Variants in TBC1D32 observed in about 807,000 individuals in gnomAD.
The protein encoded by TBC1D32 is protein broad-minded.
TBC1D32 carries 151 observed loss-of-function variants against 170.3 expected under a neutral mutation model. That is an observed-to-expected ratio of 0.89 (90% CI 0.78 to 1.01). TBC1D32 has a LOEUF of 1.01. Among genes scored for constraint, TBC1D32 ranks in the 50% least tolerant of loss-of-function variants. The probability of loss-of-function intolerance (pLI) is 0.00; values close to 1 mark genes in which losing one functional copy is unlikely to be tolerated. For synonymous variants in TBC1D32, 498 were observed against 488.0 expected (o/e 1.02, Z -0.27); for missense variants, 1,464 against 1,457.1 (o/e 1.00, Z -0.08).
At chr6:121,110,445 A>G (rs1779094034) in intron 29 of TBC1D32, among the ~76,000 whole-genome samples, 1 of 151,978 alleles carries the variant, frequency 6.6e-6, no homozygotes, top group African/African-American at 2.4e-5. Flanking sequence ...GCTATAAAAA[A>G]GGTAAAAAAA....
intron 2 of TBC1D32, among the ~76,000 whole-genome samples, chr6:121,318,913 G>A (rs1809299798): frequency 6.6e-6 from 1 of 151,060 alleles, no homozygotes; most frequent in Non-Finnish European, 1.5e-5. Flanking sequence ...TAAATCAAAA[G>A]AAGAAAAGGT....
chr6:121,332,271 G>A (rs73528530), intron 1 of TBC1D32, among the ~76,000 whole-genome samples: 5,548 of 152,084 alleles, frequency 0.036, 281 homozygotes, highest in African/African-American at 0.11. Context: ...CTAGTATTCA[G>A]TACAATAAGG....
chr6:121,202,748 G>C lies in TBC1D32; in HGVS notation c.2570+2327C>G, dbSNP rs1009179108. Among the ~76,000 whole-genome samples the C allele has an allele frequency of 6.6e-5, 10 of 151,120 alleles. 1 individual carries two copies. The highest frequency in any genetic ancestry group is 2.5e-4 in the African/African-American group (10 of 40,554). On this transcript the variant is annotated intron_variant, in intron 22 of 31. Transcript: ENST00000398212. ...TGGAAGAGGGAGAAAAGGCGTAGGG[G>C]TGAAGGAGGGAGGCTAATCAAAGGA...
chr6:121,109,332 A>G (rs1338942325), intron 29 of TBC1D32, among the ~76,000 whole-genome samples: 5 of 152,150 alleles, frequency 3.3e-5, no homozygotes, highest in Admixed American at 1.3e-4. Context: ...CTGTTGAACT[A>G]TATTACTTCA....
intron 24 of TBC1D32, among the ~76,000 whole-genome samples, chr6:121,145,838 G>T (rs1481877121): frequency 2.0e-5 from 3 of 152,108 alleles, no homozygotes; most frequent in Non-Finnish European, 4.4e-5. Flanking sequence ...ACCTGAATAG[G>T]ATTCAATAAC....
At chr6:121,177,689 T>C (rs1011951202) in intron 22 of TBC1D32, among the ~76,000 whole-genome samples, 5 of 152,140 alleles carry the variant, frequency 3.3e-5, no homozygotes, top group African/African-American at 1.2e-4. Context: ...ATAAAATTAT[T>C]TTAAAATATT....
At chr6:121,102,000 A>G (rs1439632025) in intron 30 of TBC1D32, among the ~76,000 whole-genome samples, 2 of 152,184 alleles carry the variant, frequency 1.3e-5, no homozygotes, top group African/African-American at 4.8e-5. Context: ...TGCTTCAAAG[A>G]GAATAAAATA....
chr6:121,205,159 A>G lies in TBC1D32; in HGVS notation c.2486T>C (p.Ile829Thr). 7.0e-7 allele frequency: 1 copy of G among 1,418,814 alleles called. No homozygotes were observed. Among genetic ancestry groups the G allele is most frequent in the Admixed American group, 2.3e-5 (1 of 43,996 alleles). The allele number at this position is 1,418,814 out of a possible 1,614,324, so 87.9% of individuals were successfully genotyped here. A position where few individuals can be genotyped will look rare whatever the true frequency, so the allele number is the denominator to read the frequency against. The change falls in exon 22 of 32, where the codon ATT (isoleucine) becomes ACT (threonine). Residue 829 changes from isoleucine to threonine, a missense_variant. By Grantham distance (89) the Ile-to-Thr change is moderately conservative (BLOSUM62 -1). Coordinates refer to ENST00000398212, the MANE Select transcript of TBC1D32 (RefSeq NM_152730.6). ...LREVPTCVIDIIDRLIILNSE... is the reference protein window; with the variant it reads ...LREVPTCVIDTIDRLIILNSE... ...ATTCAAAATTATAAGTCTATCAATA[A>G]TATCCTGAAAAAGACAGACAAAATG... is the stretch of plus-strand genomic sequence containing the variant.
chr6:121,334,443 A>T lies in TBC1D32; in HGVS notation c.-13T>A. 1 of 1,611,134 alleles carries T rather than the reference A, an allele frequency of 6.2e-7. No homozygotes were observed. Among genetic ancestry groups the T allele is most frequent in the Non-Finnish European group, 8.5e-7 (1 of 1,178,346 alleles). On this transcript the variant is annotated 5_prime_UTR_variant, in exon 1 of 32. An upstream open reading frame in the 5' UTR loses its in-frame stop. Transcript: ENST00000398212. ...AGAAATGGGCCATCCTGTTGGAATC[A>T]AACGTCCACTCTCATTACTCCAGGT...
At chr6:121,288,375 C>T (rs145246394) in intron 12 of TBC1D32, among the ~76,000 whole-genome samples, 2,881 of 152,256 alleles carry the variant, frequency 0.019, 103 homozygotes, top group African/African-American at 0.066. Flanking sequence ...CTATAAACAC[C>T]TCTACACAAA....
At chr6:121,311,972 A>T (rs1808278474) in intron 3 of TBC1D32, among the ~76,000 whole-genome samples, 1 of 152,212 alleles carries the variant, frequency 6.6e-6, no homozygotes, top group Non-Finnish European at 1.5e-5. Context: ...TATCAATGAT[A>T]GGTTGGATAA....
chr6:121,130,810 A>G (rs1463628752), intron 25 of TBC1D32, among the ~76,000 whole-genome samples: 1 of 152,102 alleles, frequency 6.6e-6, no homozygotes, highest in Non-Finnish European at 1.5e-5. Flanking sequence ...CTATTATTCA[A>G]TCAATGGTAA....
intron 15 of TBC1D32, among the ~76,000 whole-genome samples, chr6:121,261,589 C>G (rs1445463130): frequency 2.6e-5 from 4 of 152,104 alleles, no homozygotes; most frequent in Admixed American, 1.3e-4. Flanking sequence ...ACAACAGCAT[C>G]AACTAAAAAA....
intron 21 of TBC1D32, 89 bp downstream of exon 21, chr6:121,223,145 CTT>C: frequency 3.8e-6 from 3 of 799,794 alleles, no homozygotes; most frequent in Non-Finnish European, 5.9e-6. Context: ...CATAATGTTT[CTT>C]TTTTCTCTTT....
At chr6:121,295,088 TAA>T in intron 10 of TBC1D32, among the ~76,000 whole-genome samples, 1 of 151,168 alleles carries the variant, frequency 6.6e-6, no homozygotes, top group East Asian at 2.0e-4. Context: ...CCAGAAATGC[TAA>T]AAACTGATAA....
intron 14 of TBC1D32, among the ~76,000 whole-genome samples, chr6:121,279,949 C>G (rs1346716655): frequency 1.3e-5 from 2 of 151,848 alleles, no homozygotes; most frequent in Non-Finnish European, 2.9e-5. Context: ...GCATGGATGC[C>G]AACACACATA....
chr6:121,232,952 T>C (rs1795926251), intron 20 of TBC1D32, among the ~76,000 whole-genome samples: 1 of 152,158 alleles, frequency 6.6e-6, no homozygotes, highest in Non-Finnish European at 1.5e-5. Context: ...TCCATCTTGA[T>C]ATCATTGTTG....
chr6:121,272,699 G>A (rs1172671436), intron 15 of TBC1D32, among the ~76,000 whole-genome samples: 2 of 152,188 alleles, frequency 1.3e-5, no homozygotes, highest in Non-Finnish European at 2.9e-5. Context: ...AAGACAGTGT[G>A]GCAATTCATC....
chr6:121,172,089 G>T (rs1326850901), intron 22 of TBC1D32, among the ~76,000 whole-genome samples: 1 of 152,050 alleles, frequency 6.6e-6, no homozygotes, highest in Non-Finnish European at 1.5e-5. Flanking sequence ...GGATATTGTG[G>T]CTGTTCATGA....
Sources: allele counts gnomAD v4.1 joint callset (sites outside exome capture counted in the v4.1 genomes callset), GRCh38; gene constraint gnomAD v4.1.1; transcripts MANE v1.5; gene names NCBI Gene and HGNC (gene_info 2026-07-23, HGNC 2026-07-21).